AEBP1: variants seen among roughly 807,000 people sequenced by gnomAD.
The protein encoded by AEBP1 is AE binding protein 1.
In AEBP1, 69 loss-of-function variants were observed where a neutral mutation model predicts 116.5. The ratio of observed to expected loss-of-function variants is 0.59; its 90% CI spans 0.49 to 0.72. AEBP1 has a LOEUF of 0.72. Among genes scored for constraint, AEBP1 ranks in the 30% least tolerant of loss-of-function variants. The probability of loss-of-function intolerance (pLI) is 0.00; values close to 1 mark genes in which losing one functional copy is unlikely to be tolerated. For synonymous variants in AEBP1, 627 were observed against 627.3 expected (o/e 1.00, Z 0.01); for missense variants, 1,444 against 1,557.5 (o/e 0.93, Z 1.23).
chr7:44,109,513 T>G, intron 9 of AEBP1, 172 bp downstream of exon 9: 1 of 739,768 alleles, frequency 1.4e-6, no homozygotes, highest in Non-Finnish European at 2.1e-6. Flanking sequence ...CTCGCTTGGC[T>G]GCCCCAGCCC....
In AEBP1 at chr7:44,111,049, C is replaced by T; in HGVS notation, c.1622C>T (p.Ser541Phe). The change falls in exon 13 of 21, where the codon TCT becomes TTT. Residue 541 changes from serine to phenylalanine, a missense_variant. Transcript: ENST00000223357. The surrounding 1 kb of genome is among the most constrained non-coding windows in gnomAD (Gnocchi z 4.7). ...LCMRLEVLGC[S>F]VAPVYSYYAQ... is the part of the protein sequence containing the mutation. ...ATGCGCCTGGAGGTGCTGGGGTGCT[C>T]TGTGGCCCGTGAGTGTGGAGGGCTG... 1 of 1,609,642 alleles carries T rather than the reference C, an allele frequency of 6.2e-7. No individual in the cohort carries two copies. Among genetic ancestry groups the T allele is most frequent in the Non-Finnish European group, 8.5e-7 (1 of 1,177,188 alleles).
In AEBP1 at chr7:44,111,740, C is replaced by G; in HGVS notation, c.1840+110C>G. On this transcript the variant is annotated intron_variant, in intron 15 of 20. Coordinates refer to ENST00000223357, the MANE Select transcript of AEBP1 (RefSeq NM_001129.5). The surrounding 1 kb of genome is among the most constrained non-coding windows in gnomAD (Gnocchi z 4.7). ...GGGATTCTGGCTTGTCTTACAGGGC[C>G]CTAGGAGCCCCAGCTGTCCCCCAGA... The G allele has an allele frequency of 6.5e-7, 1 of 1,542,636 alleles. No individual in the cohort carries two copies. Among genetic ancestry groups the G allele is most frequent in the South Asian group, 1.2e-5 (1 of 83,004 alleles).
In AEBP1 at chr7:44,110,221, G is replaced by A. The variant is rs2096227689; in HGVS notation, c.1275G>A (p.Glu425=). 6.2e-7 allele frequency: 1 copy of A among 1,613,690 alleles called. No homozygotes were observed. Among genetic ancestry groups the A allele is most frequent in the Non-Finnish European group, 8.5e-7 (1 of 1,180,020 alleles). ...GRLNMQTGAT[E]DDYYDGAWCA... is the part of the protein sequence containing the mutation. ...CCCCTGGACAGACCGGTGCCACTGAGGACGACTACTATGATGGTGCGTGGT... is the reference window on the plus strand; with the variant it reads ...CCCCTGGACAGACCGGTGCCACTGAAGACGACTACTATGATGGTGCGTGGT... The change falls in exon 11 of 21, where the codon GAG becomes GAA. Residue 425 remains glutamate, a synonymous_variant. Coordinates refer to ENST00000223357, the MANE Select transcript of AEBP1 (RefSeq NM_001129.5).
intron 1 of AEBP1, among the ~76,000 whole-genome samples, chr7:44,105,723 T>C (rs1228705940): frequency 1.3e-5 from 2 of 152,186 alleles, no homozygotes; most frequent in Admixed American, 6.5e-5. Flanking sequence ...GGCACCGCTC[T>C]AGCAGCCCTG....
In AEBP1 at chr7:44,112,404, G is replaced by C; in HGVS notation, c.2217+83G>C. ...GTGTTCTGGGCTTGGGGGTGGGGCTGACGGTGCCTGAACTCCAGACGCTGA... is the reference window on the plus strand; with the variant it reads ...GTGTTCTGGGCTTGGGGGTGGGGCTCACGGTGCCTGAACTCCAGACGCTGA... On this transcript the variant is annotated intron_variant, in intron 17 of 20. Coordinates refer to ENST00000223357, the MANE Select transcript of AEBP1 (RefSeq NM_001129.5). This position sits in a 1 kb window ranked among gnomAD's most constrained non-coding sequence, Gnocchi z 6.6. 6.8e-7 allele frequency: 1 copy of C among 1,464,892 alleles called. No homozygotes were observed. The highest frequency in any genetic ancestry group is 2.3e-5 in the East Asian group (1 of 42,930). 90.7% of individuals were successfully genotyped at this position (1,464,892 alleles called of 1,614,324 possible).
chr7:44,110,355 C>G lies in AEBP1; in HGVS notation c.1400+9C>G. On this transcript the variant is annotated intron_variant, in intron 11 of 20. Transcript: ENST00000223357. ...AGAGACTCCAGCATCCAGTGCGTGG[C>G]CAGGCTCATGGATAGTTGGCAGAGG... 5 of 1,613,560 alleles carry G rather than the reference C, an allele frequency of 3.1e-6. No individual in the cohort carries two copies. The highest frequency in any genetic ancestry group is 4.2e-6 in the Non-Finnish European group (5 of 1,179,956).
chr7:44,110,909 C>T lies in AEBP1; in HGVS notation c.1486-4C>T, dbSNP rs372092542. The T allele has an allele frequency of 4.3e-6, 7 of 1,613,782 alleles. No individual in the cohort carries two copies. The highest frequency in any genetic ancestry group is 5.9e-6 in the Non-Finnish European group (7 of 1,180,004). ...GTACTGCTCTGAGGCCTGCCTCTCC[C>T]CAGACCTTTCATGGGAACGTGGACA... On this transcript the variant is annotated splice_region_variant and splice_polypyrimidine_tract_variant and intron_variant, in intron 12 of 20. Transcript: ENST00000223357.
chr7:44,110,301 C>G lies in AEBP1; in HGVS notation c.1355C>G (p.Thr452Ser), dbSNP rs753443704. ...QWIEVDTRRTTRFTGVITQGR... is the reference protein window; with the variant it reads ...QWIEVDTRRTSRFTGVITQGR... Reference sequence around the variant, plus strand: ...ATAGAGGTGGACACCAGGAGGACTACCCGGTTCACAGGCGTCATCACCCAG... The same window carrying G: ...ATAGAGGTGGACACCAGGAGGACTAGCCGGTTCACAGGCGTCATCACCCAG... The change falls in exon 11 of 21, where the codon ACC becomes AGC. Residue 452 changes from threonine (T) to serine (S), a missense_variant. Thr to Ser is a moderately conservative substitution (Grantham distance 58). Coordinates refer to ENST00000223357, the MANE Select transcript of AEBP1 (RefSeq NM_001129.5). 5.6e-6 allele frequency: 9 copies of G among 1,613,600 alleles called. No homozygotes were observed. In the East Asian group the frequency reaches 1.3e-4, roughly 24 times the overall value.
intron 1 of AEBP1, among the ~76,000 whole-genome samples, chr7:44,105,308 C>G (rs1414918542): frequency 2.6e-5 from 4 of 152,214 alleles, no homozygotes; most frequent in African/African-American, 9.7e-5. Flanking sequence ...TCGTCCCTCC[C>G]TCCTGCCTTT....
In AEBP1 at chr7:44,111,495, C is replaced by G. The variant is rs748762484; in HGVS notation, c.1717-12C>G. The G allele has an allele frequency of 5.1e-6, 8 of 1,571,924 alleles. No homozygotes were observed. Among genetic ancestry groups the G allele is most frequent in the East Asian group, 2.2e-5 (1 of 44,500 alleles). On this transcript the variant is annotated splice_polypyrimidine_tract_variant and intron_variant, in intron 14 of 20. Transcript: ENST00000223357. The surrounding 1 kb of genome is among the most constrained non-coding windows in gnomAD (Gnocchi z 4.7). ...TGCATGATTGATTCCACGTCCTCCC[C>G]CTCTGCCCCAGCTCATGAAGGTGGT...
At position 44,114,090 on chromosome 7, in the gene AEBP1, G is replaced by A. The variant is rs747371366; in HGVS notation, c.3306G>A (p.Gly1102=). ...GGACCGAGGTGGAGCCCGAGTTTGG[G>A]ACCAAGGTGGAGCCCGAGTTTGAGA... ...EFGTEVEPEF[G]TKVEPEFETQ... Residue 1102 remains glycine (G), a synonymous_variant, in exon 21 of 21, where the codon GGG becomes GGA. Coordinates refer to ENST00000223357, the MANE Select transcript of AEBP1 (RefSeq NM_001129.5). 1.9e-6 allele frequency: 3 copies of A among 1,613,658 alleles called. No individual in the cohort carries two copies. Among genetic ancestry groups the A allele is most frequent in the Non-Finnish European group, 2.5e-6 (3 of 1,179,620 alleles).
Position 44,114,276 on chromosome 7 carries a change from C to G in AEBP1, c.*15C>G, listed in dbSNP as rs763080876. On this transcript the variant is annotated 3_prime_UTR_variant, in exon 21 of 21. Coordinates refer to ENST00000223357, the MANE Select transcript of AEBP1 (RefSeq NM_001129.5). The stretch of plus-strand genomic sequence containing the variant: ...GGGACTTCTGAGATCAGCGTCCTAC[C>G]AAGACCCCAGCCCAACTCAAGCTAC... 1 of 1,611,838 alleles carries G rather than the reference C, an allele frequency of 6.2e-7. No homozygotes were observed.
rs764766135 is a variant in AEBP1 at position 44,108,133 on chromosome 7, C to T, written c.940+49C>T. 7 of 1,539,916 alleles carry T rather than the reference C, an allele frequency of 4.5e-6. No individual in the cohort carries two copies. The highest frequency in any genetic ancestry group is 4.4e-4 in the Middle Eastern group (2 of 4,540). On this transcript the variant is annotated intron_variant, in intron 6 of 20. Coordinates refer to ENST00000223357, the MANE Select transcript of AEBP1 (RefSeq NM_001129.5). This position sits in a 1 kb window ranked among gnomAD's most constrained non-coding sequence, Gnocchi z 5.0. ...CTGAGGGACATAGGCAGGTGGGGGT[C>T]GGGGCTGGGGTGTGGTCAGGAGCCA...
intron 11 of AEBP1, 63 bp from the exon 12 acceptor site, chr7:44,110,662 C>G: frequency 7.1e-7 from 1 of 1,417,770 alleles, no homozygotes; most frequent in South Asian, 1.4e-5. Flanking sequence ...AAGAGGGAGG[C>G]TCAGGCCACC....
Position 44,111,322 on chromosome 7 carries a change from C to A in AEBP1, c.1716+83C>A. The A allele has an allele frequency of 7.0e-7, 1 of 1,420,548 alleles. No homozygotes were observed. Among genetic ancestry groups the A allele is most frequent in the Non-Finnish European group, 9.4e-7 (1 of 1,069,044 alleles). 88.0% of individuals were successfully genotyped at this position (1,420,548 alleles called of 1,614,324 possible). A position where few individuals can be genotyped will look rare whatever the true frequency, so the allele number is the denominator to read the frequency against. On this transcript the variant is annotated intron_variant, in intron 14 of 20. Transcript: ENST00000223357. The surrounding 1 kb of genome is among the most constrained non-coding windows in gnomAD (Gnocchi z 4.7). ...TGTGCCTGGTGCTTCTGTCACTGGG[C>A]CCAGTCCCTACTGGTTCCAGGGATG...
rs2128808003 is a variant in AEBP1 at position 44,106,428 on chromosome 7, G to C, written c.254-118G>C. The C allele has an allele frequency of 2.6e-6, 3 of 1,135,854 alleles. 1 individual carries two copies. The East Asian group carries it at 7.7e-5, about 29-fold the overall frequency. 70.4% of individuals were successfully genotyped at this position (1,135,854 alleles called of 1,614,324 possible). A position where few individuals can be genotyped will look rare whatever the true frequency, so the allele number is the denominator to read the frequency against. On this transcript the variant is annotated intron_variant, in intron 1 of 20. Coordinates refer to ENST00000223357, the MANE Select transcript of AEBP1 (RefSeq NM_001129.5). The stretch of plus-strand genomic sequence containing the variant: ...AAATGACTTAACCTCTCAGTTTGCT[G>C]ATCCGCACTGGGAACTGACAAGAGT...
chr7:44,112,938 G>A lies in AEBP1; in HGVS notation c.2569+29G>A. The A allele has an allele frequency of 5.0e-6, 8 of 1,612,494 alleles. No individual in the cohort carries two copies. Among genetic ancestry groups the A allele is most frequent in the Middle Eastern group, 1.7e-4 (1 of 6,056 alleles). ...AGTCAGCCTGGGAGGGGCTGTGGGC[G>A]GGGCCTGGTCCGGAGAGGGGCTGAC... is the stretch of plus-strand genomic sequence containing the variant. On this transcript the variant is annotated intron_variant, in intron 18 of 20. Coordinates refer to ENST00000223357, the MANE Select transcript of AEBP1 (RefSeq NM_001129.5). The surrounding 1 kb of genome is among the most constrained non-coding windows in gnomAD (Gnocchi z 6.6).
chr7:44,107,806 C>T lies in AEBP1; in HGVS notation c.740-3C>T. The T allele has an allele frequency of 3.7e-6, 6 of 1,612,146 alleles. No individual in the cohort carries two copies. Among genetic ancestry groups the T allele is most frequent in the Non-Finnish European group, 5.1e-6 (6 of 1,179,572 alleles). The stretch of plus-strand genomic sequence containing the variant: ...CCCCACTCTGAGCCAGCCTCCCCCT[C>T]AGTTGAGTACATTCGGCGCCAGAAG... On this transcript the variant is annotated splice_polypyrimidine_tract_variant and splice_region_variant and intron_variant, in intron 4 of 20. Coordinates refer to ENST00000223357, the MANE Select transcript of AEBP1 (RefSeq NM_001129.5). The surrounding 1 kb of genome is among the most constrained non-coding windows in gnomAD (Gnocchi z 4.3).
In AEBP1 at chr7:44,113,926, A is replaced by C. The variant is rs549720969; in HGVS notation, c.3142A>C (p.Thr1048Pro). Residue 1048 changes from threonine (T) to proline (P), a missense_variant, in exon 21 of 21, where the codon ACT (threonine) becomes CCT (proline). Transcript: ENST00000223357. This position sits in a 1 kb window ranked among gnomAD's most constrained non-coding sequence, Gnocchi z 5.3. The part of the protein sequence containing the change: ...LNATTTLGPH[T>P]VPPTLPPAPA... Reference sequence around the variant, plus strand: ...CGCCACCACCACCCTAGGCCCCCACACTGTGCCTCCCACGCTGCCCCCTGC... The same window carrying C: ...CGCCACCACCACCCTAGGCCCCCACCCTGTGCCTCCCACGCTGCCCCCTGC... 8.1e-6 allele frequency: 13 copies of C among 1,613,544 alleles called. No individual in the cohort carries two copies. In the African/African-American group the frequency reaches 1.7e-4, roughly 22 times the overall value.
Sources: allele counts gnomAD v4.1 joint callset (sites outside exome capture counted in the v4.1 genomes callset), GRCh38; gene constraint gnomAD v4.1.1; non-coding constraint Gnocchi (gnomAD v3.1); transcripts MANE v1.5; gene names NCBI Gene and HGNC (gene_info 2026-07-23, HGNC 2026-07-21).